The following SNTG1 variants were observed in gnomAD, a reference collection of about 807,000 sequenced individuals.
SNTG1 encodes gamma-1-syntrophin.
Under a neutral mutation model 74.7 loss-of-function variants are expected in SNTG1, and 39 were observed. The observed-to-expected ratio is 0.52, with a 90% CI of 0.40 to 0.68. The LOEUF (loss-of-function observed/expected upper bound fraction) is 0.68. SNTG1 is among the 30% of genes least tolerant of loss of function. The pLI is 0.00. For synonymous variants in SNTG1, 254 were observed against 217.1 expected, an observed-to-expected ratio of 1.17 and a Z score of -1.49; for missense variants, 685 against 609.5, an observed-to-expected ratio of 1.12 and a Z score of -1.30.
intron 2 of SNTG1, among the ~76,000 whole-genome samples, chr8:50,236,096 G>C (rs904527742): frequency 5.9e-5 from 9 of 152,108 alleles, no homozygotes; most frequent in Non-Finnish European, 1.3e-4. Context: ...AGGAGAGGTT[G>C]TGCCACTTTA....
At chr8:50,184,167 T>C (rs1024697295) in intron 2 of SNTG1, among the ~76,000 whole-genome samples, 4 of 152,126 alleles carry the variant, frequency 2.6e-5, no homozygotes, top group Non-Finnish European at 5.9e-5. Flanking sequence ...TCTTTTTTAT[T>C]ATTATTATTA....
intron 2 of SNTG1, among the ~76,000 whole-genome samples, chr8:50,205,625 G>C (rs541560175): frequency 1.3e-5 from 2 of 152,150 alleles, no homozygotes; most frequent in African/African-American, 2.4e-5. Context: ...TGGTGTTTTA[G>C]TCATGAAGTC....
intron 1 of SNTG1, among the ~76,000 whole-genome samples, chr8:50,017,103 C>G (rs886115399): frequency 6.6e-6 from 1 of 152,070 alleles, no homozygotes; most frequent in Non-Finnish European, 1.5e-5. Flanking sequence ...AATGCAAGGA[C>G]AGTATATGGT....
Position 50,481,108 on chromosome 8 carries a change from C to G in SNTG1, c.364-21670C>G, listed in dbSNP as rs1003778788. Among the ~76,000 whole-genome samples, 3 of 152,272 alleles carry G rather than the reference C, an allele frequency of 2.0e-5. No individual in the cohort carries two copies. The South Asian group carries it at 6.2e-4, about 32-fold the overall frequency. Reference sequence around the variant, plus strand: ...TGATAAACATACAGCACAGGCTGGGCGCGGTGGCTCACGCCTGTAATCCCA... The same window carrying G: ...TGATAAACATACAGCACAGGCTGGGGGCGGTGGCTCACGCCTGTAATCCCA... On this transcript the variant is annotated intron_variant, in intron 8 of 18. Coordinates refer to ENST00000642720, the MANE Select transcript of SNTG1 (RefSeq NM_018967.5).
chr8:50,674,757 A>T lies in SNTG1; in HGVS notation c.1038+16094A>T, dbSNP rs1029883130. Reference sequence around the variant, plus strand: ...CTCTAGCTCTTTTAATTGTGATGTTAGGGTGTAGATTTGAGATCTTTCTAG... The same window carrying T: ...CTCTAGCTCTTTTAATTGTGATGTTTGGGTGTAGATTTGAGATCTTTCTAG... On this transcript the variant is annotated intron_variant, in intron 15 of 18. Coordinates refer to ENST00000642720, the MANE Select transcript of SNTG1 (RefSeq NM_018967.5). 3.4e-4 allele frequency among the ~76,000 whole-genome samples: 51 copies of T among 151,986 alleles called. 1 individual carries two copies. Among genetic ancestry groups the T allele is most frequent in the Admixed American group, 3.3e-3 (51 of 15,232 alleles).
intron 18 of SNTG1, among the ~76,000 whole-genome samples, chr8:50,783,286 C>T (rs913676891): frequency 4.6e-5 from 7 of 152,184 alleles, no homozygotes; most frequent in Admixed American, 2.6e-4. Context: ...TTTGTCTGTG[C>T]CCTGCCCCCA....
chr8:50,407,239 A>G (rs768823983), intron 4 of SNTG1, among the ~76,000 whole-genome samples: 4 of 152,188 alleles, frequency 2.6e-5, no homozygotes, highest in Non-Finnish European at 5.9e-5. Context: ...ATTACAACAA[A>G]TAGAGTGTTA....
intron 13 of SNTG1, among the ~76,000 whole-genome samples, chr8:50,592,971 C>T (rs1319370222): frequency 4.6e-5 from 7 of 152,080 alleles, no homozygotes; most frequent in South Asian, 2.1e-4. Context: ...ATGATAACAA[C>T]GCATTAATTG....
At chr8:49,944,938 C>T (rs540388633) in intron 1 of SNTG1, among the ~76,000 whole-genome samples, 62 of 152,186 alleles carry the variant, frequency 4.1e-4, no homozygotes, top group African/African-American at 1.3e-3. Context: ...CATGCGCCCA[C>T]CACAATGCCT....
chr8:50,757,038 A>G (rs1165700589), intron 18 of SNTG1, among the ~76,000 whole-genome samples: 5 of 151,312 alleles, frequency 3.3e-5, no homozygotes, highest in Non-Finnish European at 7.4e-5. Context: ...TCCCTTTTTT[A>G]TAATTTTAGT....
intron 1 of SNTG1, among the ~76,000 whole-genome samples, chr8:49,942,946 C>T (rs1808832624): frequency 6.6e-6 from 1 of 152,162 alleles, no homozygotes; most frequent in South Asian, 2.1e-4. Context: ...TAGGCTTCAT[C>T]TCTTGAGGGT....
At chr8:50,313,717 T>C (rs10504103) in intron 2 of SNTG1, among the ~76,000 whole-genome samples, 24,492 of 149,890 alleles carry the variant, frequency 0.16, 2,837 homozygotes, top group Middle Eastern at 0.28. Flanking sequence ...ATCTTTTATA[T>C]ACTTGCAGCT....
chr8:50,353,162 A>AG (rs995261183), intron 2 of SNTG1, among the ~76,000 whole-genome samples: 1 of 150,940 alleles, frequency 6.6e-6, no homozygotes, highest in Non-Finnish European at 1.5e-5. Context: ...AGGACAAAAA[A>AG]CCAAACGCCA....
chr8:50,714,375 G>T (rs2095470191), intron 17 of SNTG1, among the ~76,000 whole-genome samples: 1 of 151,300 alleles, frequency 6.6e-6, no homozygotes, highest in Non-Finnish European at 1.5e-5. Flanking sequence ...ACAAACTGCT[G>T]CTCAAGGAAA....
At chr8:50,154,938 G>T (rs1586512943) in intron 1 of SNTG1, among the ~76,000 whole-genome samples, 1 of 152,100 alleles carries the variant, frequency 6.6e-6, no homozygotes, top group Admixed American at 6.5e-5. Flanking sequence ...ACCTGTTAAT[G>T]GTTATGTAAT....
At chr8:50,663,063 G>A (rs912947523) in intron 15 of SNTG1, among the ~76,000 whole-genome samples, 3 of 152,110 alleles carry the variant, frequency 2.0e-5, no homozygotes, top group African/African-American at 7.2e-5. Flanking sequence ...ACTGTGAAAG[G>A]GCTCCACAGA....
At chr8:50,387,359 G>A (rs2092591537) in intron 2 of SNTG1, among the ~76,000 whole-genome samples, 1 of 152,108 alleles carries the variant, frequency 6.6e-6, no homozygotes, top group Non-Finnish European at 1.5e-5. Context: ...TGCATTCTCT[G>A]GGCCCTCCCA....
intron 1 of SNTG1, among the ~76,000 whole-genome samples, chr8:49,984,627 G>A (rs1366619114): frequency 6.6e-6 from 1 of 151,970 alleles, no homozygotes; most frequent in African/African-American, 2.4e-5. Flanking sequence ...ATTGTTTGTT[G>A]TAAAATCTTA....
At chr8:50,592,718 A>C (rs1296200519) in intron 13 of SNTG1, among the ~76,000 whole-genome samples, 1 of 152,204 alleles carries the variant, frequency 6.6e-6, no homozygotes, top group African/African-American at 2.4e-5. Flanking sequence ...ATTATATAAT[A>C]ATTTCAAATC....
Sources: gnomAD v4.1 joint callset for allele counts (sites outside exome capture counted in the v4.1 genomes callset) on GRCh38, gnomAD v4.1.1 for gene constraint, MANE v1.5 for transcripts, NCBI Gene and HGNC (gene_info 2026-07-23, HGNC 2026-07-21) for gene names.